Variants in ZC3H18 observed in about 807,000 individuals in gnomAD.
ZC3H18 encodes the protein zinc finger CCCH domain-containing protein 18.
A neutral mutation model predicts 106.1 loss-of-function variants in ZC3H18; 8 were observed. The ratio of observed to expected loss-of-function variants is 0.08; its 90% CI spans 0.04 to 0.14. The LOEUF is 0.14. ZC3H18 is among the 10% of genes least tolerant of loss of function. The pLI is 1.00. For synonymous variants in ZC3H18, 635 were observed against 522.1 expected (o/e 1.22, Z -2.95); for missense variants, 1,318 against 1,278.4 (o/e 1.03, Z -0.47).
rs760859302 is a variant in ZC3H18 at position 88,628,748 on chromosome 16, C to G, written c.2470-10C>G. 2.5e-6 allele frequency: 4 copies of G among 1,613,780 alleles called. No homozygotes were observed. The African/African-American group carries it at 5.3e-5, about 22-fold the overall frequency. ...CCCTGCTGTCCTCACTGGCCTCTCTCTTGTCCCAGGCGGCTGATAAAGGAA... is the reference window on the plus strand; with the variant it reads ...CCCTGCTGTCCTCACTGGCCTCTCTGTTGTCCCAGGCGGCTGATAAAGGAA... On this transcript the variant is annotated splice_polypyrimidine_tract_variant and intron_variant, in intron 15 of 17. Coordinates refer to ENST00000301011, the MANE Select transcript of ZC3H18 (RefSeq NM_144604.4).
intron 8 of ZC3H18, among the ~76,000 whole-genome samples, chr16:88,619,215 A>C (rs913613506): frequency 1.8e-4 from 27 of 152,234 alleles, no homozygotes; most frequent in African/African-American, 5.8e-4. Context: ...CAGAGCTTGC[A>C]GTGAGCCAAG....
chr16:88,589,124 T>A (rs1915600986), intron 3 of ZC3H18, among the ~76,000 whole-genome samples: 1 of 152,220 alleles, frequency 6.6e-6, no homozygotes, highest in African/African-American at 2.4e-5. Flanking sequence ...TTCTTCAGTT[T>A]ATGATCTCTC....
Position 88,598,654 on chromosome 16 carries a change from C to A in ZC3H18, c.872C>A (p.Pro291His). 2 of 1,612,884 alleles carry A rather than the reference C, an allele frequency of 1.2e-6. No homozygotes were observed. Among genetic ancestry groups the A allele is most frequent in the East Asian group, 4.5e-5 (2 of 44,848 alleles). ...GPVVDEILPPPPPEPPTESAW... is the reference protein window; with the variant it reads ...GPVVDEILPPHPPEPPTESAW... Reference sequence around the variant, plus strand: ...GTAGTTGATGAAATTTTGCCTCCACCCCCTCCAGAGCCCCCAACAGAGAGT... The same window carrying A: ...GTAGTTGATGAAATTTTGCCTCCACACCCTCCAGAGCCCCCAACAGAGAGT... Residue 291 changes from proline (P) to histidine (H), a missense_variant, in exon 5 of 18, where the codon CCC (proline) becomes CAC (histidine). Pro to His is a moderately conservative substitution (Grantham distance 77, BLOSUM62 -2). Transcript: ENST00000301011.
At chr16:88,619,344 G>A (rs1271671190) in intron 8 of ZC3H18, among the ~76,000 whole-genome samples, 3 of 152,224 alleles carry the variant, frequency 2.0e-5, no homozygotes, top group Non-Finnish European at 2.9e-5. Context: ...CGTCCCACAC[G>A]TGGTAACATG....
At position 88,595,500 on chromosome 16, in the gene ZC3H18, A is replaced by G. The variant is rs1258393436; in HGVS notation, c.689-2678A>G. 9.9e-5 allele frequency among the ~76,000 whole-genome samples: 14 copies of G among 141,100 alleles called. No homozygotes were observed. In the East Asian group the frequency reaches 2.3e-3, roughly 23 times the overall value. 92.6% of individuals were successfully genotyped at this position (141,100 alleles called of 152,430 possible). On this transcript the variant is annotated intron_variant, in intron 3 of 17. Transcript: ENST00000301011. ...TTTTTTTTTTTTTTTTTTTTAACAA[A>G]TTGCTTTTTAAATTATGAAAGTAAG...
chr16:88,602,605 C>T (rs7196419), intron 6 of ZC3H18, among the ~76,000 whole-genome samples: 130,046 of 152,222 alleles, frequency 0.85, 55,830 homozygotes, highest in Admixed American at 0.91. Context: ...AGTTTGAGAA[C>T]CATTGATTGT....
intron 8 of ZC3H18, among the ~76,000 whole-genome samples, chr16:88,616,279 G>A (rs1191140114): frequency 6.6e-6 from 1 of 152,236 alleles, no homozygotes; most frequent in African/African-American, 2.4e-5. Flanking sequence ...TCACCAAACT[G>A]GGCCGAGCCG....
At chr16:88,621,456 C>A (rs1454211186) in intron 8 of ZC3H18, among the ~76,000 whole-genome samples, 3 of 152,116 alleles carry the variant, frequency 2.0e-5, no homozygotes, top group Non-Finnish European at 1.5e-5. Context: ...GATCTCTTGA[C>A]CTCGTGATTC....
At chr16:88,589,935 G>T (rs1360212295) in intron 3 of ZC3H18, among the ~76,000 whole-genome samples, 2 of 152,210 alleles carry the variant, frequency 1.3e-5, no homozygotes, top group African/African-American at 4.8e-5. Flanking sequence ...CACATTAAAT[G>T]GGAGTATTTT....
intron 6 of ZC3H18, among the ~76,000 whole-genome samples, chr16:88,607,570 A>C (rs1163112634): frequency 1.3e-5 from 2 of 151,876 alleles, no homozygotes; most frequent in Admixed American, 6.6e-5. Context: ...CCATTTATTC[A>C]TGCACACTTT....
At position 88,586,641 on chromosome 16, in the gene ZC3H18, C is replaced by T. The variant is rs2142584407; in HGVS notation, c.645C>T (p.Asp215=). ...AAGGTGAAGTGAAGGACCCCAGTGA[C>T]AGGAAGGTGAGGCCTCGTCCCACCT... ...LEEGEVKDPS[D]RKVRPRPTCR... The change falls in exon 3 of 18, where the codon GAC becomes GAT. Residue 215 remains aspartate, a synonymous_variant. Transcript: ENST00000301011. 2 of 1,614,222 alleles carry T rather than the reference C, an allele frequency of 1.2e-6. No individual in the cohort carries two copies. The highest frequency in any genetic ancestry group is 1.7e-6 in the Non-Finnish European group (2 of 1,180,042).
Position 88,622,291 on chromosome 16 carries a change from T to G in ZC3H18, c.1570T>G (p.Ser524Ala). The change falls in exon 9 of 18, where the codon TCT (serine) becomes GCT (alanine). Residue 524 changes from serine to alanine, a missense_variant. This residue lies in a region of ZC3H18 where 848 missense variants were observed against 821.7 expected (regional missense o/e 1.03). Coordinates refer to ENST00000301011, the MANE Select transcript of ZC3H18 (RefSeq NM_144604.4). ...GAAGGACCCTTGGCGCCGATCCAAG[T>G]CTCCCAAGAAGAAACTCGGGGTGTC... The part of the protein sequence containing the change: ...EWKDPWRRSK[S>A]PKKKLGVSVS... The G allele has an allele frequency of 6.2e-7, 1 of 1,613,952 alleles. No homozygotes were observed. The highest frequency in any genetic ancestry group is 8.5e-7 in the Non-Finnish European group (1 of 1,179,950).
chr16:88,595,793 G>A (rs574376966), intron 3 of ZC3H18, among the ~76,000 whole-genome samples: 24 of 134,182 alleles, frequency 1.8e-4, no homozygotes, highest in Non-Finnish European at 3.0e-4. Flanking sequence ...GCAACAGAGC[G>A]AGACTCCATC....
At chr16:88,614,354 T>C (rs1184433929) in intron 8 of ZC3H18, among the ~76,000 whole-genome samples, 1 of 152,258 alleles carries the variant, frequency 6.6e-6, no homozygotes. Flanking sequence ...ACAAGCCCCT[T>C]GTCCTCCTCA....
Position 88,628,029 on chromosome 16 carries a change from G to A in ZC3H18, c.2379G>A (p.Gln793=), listed in dbSNP as rs1055819474. ...KPPAGGKSSQ[Q]PSTPQQAPPG... is the part of the protein sequence containing the mutation. ...CAGCAGGGGGGAAGTCCTCCCAGCA[G>A]CCCTCGACACCCCAGCAGGCACCCC... Residue 793 remains glutamine, a synonymous_variant, in exon 15 of 18, where the codon CAG becomes CAA. Coordinates refer to ENST00000301011, the MANE Select transcript of ZC3H18 (RefSeq NM_144604.4). 6.2e-7 allele frequency: 1 copy of A among 1,614,160 alleles called. No individual in the cohort carries two copies. The highest frequency in any genetic ancestry group is 8.5e-7 in the Non-Finnish European group (1 of 1,180,036).
Position 88,621,466 on chromosome 16 carries a change from C to T in ZC3H18, c.1476-731C>T, listed in dbSNP as rs1905955596. Among the ~76,000 whole-genome samples, 4 of 152,132 alleles carry T rather than the reference C, an allele frequency of 2.6e-5. No homozygotes were observed. In the South Asian group the frequency reaches 6.2e-4, roughly 24 times the overall value. ...GTCTCGATCTCTTGACCTCGTGATT[C>T]GCCCGCCTCGGCCTCCCAAAGTGCT... On this transcript the variant is annotated intron_variant, in intron 8 of 17. Transcript: ENST00000301011.
At chr16:88,619,016 G>T (rs904894570) in intron 8 of ZC3H18, among the ~76,000 whole-genome samples, 1 of 152,170 alleles carries the variant, frequency 6.6e-6, no homozygotes, top group African/African-American at 2.4e-5. Context: ...GTTTTTCCAA[G>T]TCTAATCAGG....
intron 16 of ZC3H18, among the ~76,000 whole-genome samples, chr16:88,629,858 A>AGG (rs1054189367): frequency 6.6e-5 from 10 of 152,230 alleles, no homozygotes; most frequent in African/African-American, 2.4e-4. Flanking sequence ...GAGAACAGGC[A>AGG]GGGGGCTTCC....
chr16:88,629,988 C>G (rs1233413546), intron 16 of ZC3H18, among the ~76,000 whole-genome samples: 1 of 152,240 alleles, frequency 6.6e-6, no homozygotes, highest in East Asian at 1.9e-4. Context: ...CCTTGCTGCC[C>G]TTGCCTGGGG....
Sources: gnomAD v4.1 joint callset for allele counts (sites outside exome capture counted in the v4.1 genomes callset) on GRCh38, gnomAD v4.1.1 for gene constraint, gnomAD v4.1.1 regional missense constraint, MANE v1.5 for transcripts, NCBI Gene and HGNC (gene_info 2026-07-23, HGNC 2026-07-21) for gene names.